CNTN4: variants seen among roughly 807,000 people sequenced by gnomAD.
CNTN4 encodes contactin-4.
CNTN4 carries 77 observed loss-of-function variants against 122.5 expected under a neutral mutation model. That is an observed-to-expected ratio of 0.63 (90% confidence interval 0.52 to 0.76). The LOEUF (loss-of-function observed/expected upper bound fraction) is 0.76. Ranked by LOEUF, CNTN4 falls within the 30% of genes least tolerant of loss-of-function variation. The pLI, the probability that CNTN4 is intolerant of heterozygous loss-of-function variation, is 0.00. For synonymous variants in CNTN4, 512 were observed against 447.0 expected (o/e 1.15, Z -1.83); for missense variants, 1,256 against 1,259.1 (o/e 1.00, Z 0.04).
At chr3:2,523,017 T>C (rs1228576099) in intron 3 of CNTN4, among the ~76,000 whole-genome samples, 2 of 152,122 alleles carry the variant, frequency 1.3e-5, no homozygotes, top group African/African-American at 4.8e-5. Flanking sequence ...ATCTGGTACA[T>C]CTTTGCCTGA....
intron 3 of CNTN4, among the ~76,000 whole-genome samples, chr3:2,389,169 A>G (rs1425199868): frequency 2.0e-5 from 3 of 152,010 alleles, no homozygotes. Context: ...TCAAAAAAAA[A>G]AGCCACCTAA....
intron 13 of CNTN4, among the ~76,000 whole-genome samples, chr3:2,960,712 T>A (rs1020321355): frequency 6.6e-6 from 1 of 152,150 alleles, no homozygotes; most frequent in African/African-American, 2.4e-5. Flanking sequence ...GTTAGTTGAA[T>A]CCAGGGGCAG....
At chr3:2,978,766 C>G (rs546069527) in intron 13 of CNTN4, among the ~76,000 whole-genome samples, 2 of 152,046 alleles carry the variant, frequency 1.3e-5, no homozygotes, top group Admixed American at 6.5e-5. Context: ...GCTGATGGCC[C>G]CTGGGGTCAG....
intron 4 of CNTN4, among the ~76,000 whole-genome samples, chr3:2,582,925 A>C (rs1012863371): frequency 6.6e-6 from 1 of 151,648 alleles, no homozygotes; most frequent in African/African-American, 2.4e-5. Flanking sequence ...AAAGCAGTTT[A>C]ATGGAGAAAG....
chr3:2,356,385 G>A (rs563496556), intron 3 of CNTN4, among the ~76,000 whole-genome samples: 2 of 152,268 alleles, frequency 1.3e-5, no homozygotes, highest in Non-Finnish European at 2.9e-5. Context: ...GCAATTCCTG[G>A]AACTGAGAGT....
At chr3:3,054,647 C>G (rs1242912381) in intron 24 of CNTN4, among the ~76,000 whole-genome samples, 1 of 151,996 alleles carries the variant, frequency 6.6e-6, no homozygotes, top group Admixed American at 6.6e-5. Context: ...AACAAAATAG[C>G]CAAATCCGTG....
intron 2 of CNTN4, among the ~76,000 whole-genome samples, chr3:2,169,524 A>C (rs886845167): frequency 5.3e-5 from 8 of 150,352 alleles, no homozygotes; most frequent in East Asian, 2.0e-4. Context: ...CTCCTGCCTC[A>C]GCCTCCCGAG....
chr3:2,774,911 C>T (rs983148111), intron 6 of CNTN4, among the ~76,000 whole-genome samples: 1 of 152,224 alleles, frequency 6.6e-6, no homozygotes, highest in African/African-American at 2.4e-5. Context: ...TTCCAGGATT[C>T]TTATGTCAAT....
At chr3:2,457,086 C>T (rs746024685) in intron 3 of CNTN4, among the ~76,000 whole-genome samples, 3 of 152,088 alleles carry the variant, frequency 2.0e-5, no homozygotes, top group Non-Finnish European at 2.9e-5. Context: ...TGAGTCTGTA[C>T]TCTATACTCT....
Position 2,607,610 on chromosome 3 carries a change from C to CCACACACACA in CNTN4, c.55+36059_55+36068dup, listed in dbSNP as rs61707029. On this transcript the variant is annotated intron_variant, in intron 4 of 24. Coordinates refer to ENST00000418658, the MANE Select transcript of CNTN4 (RefSeq NM_175607.3). ...AATACGTGTGTATATACATATGCATCCACACACACACACACATAACTAATG... is the reference window on the plus strand; with the variant it reads ...AATACGTGTGTATATACATATGCATCCACACACACACACACACACACACACATAACTAATG... Among the ~76,000 whole-genome samples, 11 of 145,476 alleles carry CCACACACACA rather than the reference C, an allele frequency of 7.6e-5. No homozygotes were observed. The South Asian group carries it at 9.0e-4, about 12-fold the overall frequency.
intron 2 of CNTN4, among the ~76,000 whole-genome samples, chr3:2,248,584 A>G (rs762456812): frequency 6.6e-6 from 1 of 152,028 alleles, no homozygotes. Context: ...ATTTGTATCC[A>G]TTGGGTAAAC....
intron 2 of CNTN4, among the ~76,000 whole-genome samples, chr3:2,237,714 T>C (rs1209585782): frequency 6.6e-6 from 1 of 152,170 alleles, no homozygotes; most frequent in Non-Finnish European, 1.5e-5. Context: ...AAATGGTAAG[T>C]GATAAGAAGG....
At chr3:2,753,946 C>A (rs568885121) in intron 6 of CNTN4, among the ~76,000 whole-genome samples, 5 of 152,152 alleles carry the variant, frequency 3.3e-5, no homozygotes, top group Non-Finnish European at 5.9e-5. Flanking sequence ...TAATTAATAA[C>A]AATATTTCTG....
At chr3:2,587,429 C>T (rs1438959596) in intron 4 of CNTN4, among the ~76,000 whole-genome samples, 1 of 152,174 alleles carries the variant, frequency 6.6e-6, no homozygotes, top group Non-Finnish European at 1.5e-5. Flanking sequence ...CACAAATGAT[C>T]CTTGCAAAAT....
At position 2,394,302 on chromosome 3, in the gene CNTN4, G is replaced by A. The variant is rs533536289; in HGVS notation, c.-89+55069G>A. ...AACAGTATCTGATCAGAGGGACAGG[G>A]CTAGACCTAACTGGGTGAGAAGATG... On this transcript the variant is annotated intron_variant, in intron 3 of 24. Transcript: ENST00000418658. Among the ~76,000 whole-genome samples the A allele has an allele frequency of 3.3e-5, 5 of 152,248 alleles. No individual in the cohort carries two copies. The South Asian group carries it at 1.0e-3, about 32-fold the overall frequency.
At chr3:2,558,723 T>G (rs777626680) in intron 3 of CNTN4, among the ~76,000 whole-genome samples, 1 of 152,208 alleles carries the variant, frequency 6.6e-6, no homozygotes, top group African/African-American at 2.4e-5. Context: ...CTCACTATAC[T>G]CTTTTATGCC....
chr3:2,288,476 T>C (rs7633412), intron 2 of CNTN4, among the ~76,000 whole-genome samples: 1,922 of 152,176 alleles, frequency 0.013, 42 homozygotes, highest in African/African-American at 0.044. Flanking sequence ...GAGGTATCTA[T>C]CTCCCTGACC....
intron 2 of CNTN4, among the ~76,000 whole-genome samples, chr3:2,262,706 A>G (rs1013966807): frequency 2.0e-5 from 3 of 150,588 alleles, no homozygotes; most frequent in Non-Finnish European, 4.4e-5. Flanking sequence ...AGATGACTTT[A>G]AATAACACTT....
At chr3:2,748,444 G>A (rs972797400) in intron 6 of CNTN4, among the ~76,000 whole-genome samples, 4 of 151,776 alleles carry the variant, frequency 2.6e-5, no homozygotes, top group African/African-American at 9.7e-5. Flanking sequence ...CATAATGATT[G>A]TTCTCCTAGT....
Sources: allele counts gnomAD v4.1 joint callset (sites outside exome capture counted in the v4.1 genomes callset), GRCh38; gene constraint gnomAD v4.1.1; transcripts MANE v1.5; gene names NCBI Gene and HGNC (gene_info 2026-07-23, HGNC 2026-07-21).